The following TRPC4 variants were observed in gnomAD, a reference collection of about 807,000 sequenced individuals.
TRPC4 encodes the protein transient receptor potential cation channel subfamily C member 4.
In TRPC4, 49 loss-of-function variants were observed where a neutral mutation model predicts 99.4. The ratio of observed to expected loss-of-function variants is 0.49; its 90% CI spans 0.39 to 0.63. The LOEUF (loss-of-function observed/expected upper bound fraction) is 0.63. TRPC4 is among the 20% of genes least tolerant of loss of function. TRPC4 has a pLI of 0.00. For synonymous variants in TRPC4, 454 were observed against 425.9 expected (o/e 1.07, Z -0.81); for missense variants, 898 against 1,152.9 (o/e 0.78, Z 3.20).
chr13:37,754,356 A>T, intron 2 of TRPC4, among the ~76,000 whole-genome samples: 1 of 152,140 alleles, frequency 6.6e-6, no homozygotes, highest in East Asian at 1.9e-4. Flanking sequence ...CTACTTTTCC[A>T]TTAACTTTTC....
chr13:37,650,256 CT>C (rs1453392801), intron 8 of TRPC4, among the ~76,000 whole-genome samples: 1 of 152,130 alleles, frequency 6.6e-6, no homozygotes, highest in Non-Finnish European at 1.5e-5. Flanking sequence ...ATATTACTTG[CT>C]AATCCTAATA....
chr13:37,767,619 G>C (rs1956414687), intron 2 of TRPC4, among the ~76,000 whole-genome samples: 1 of 151,238 alleles, frequency 6.6e-6, no homozygotes, highest in Non-Finnish European at 1.5e-5. Context: ...CTTAACAAAG[G>C]TGTTAATAAT....
rs1200384928 is a variant in TRPC4, at chr13:37,660,863, G to A, written c.1688+2553C>T. ...AGCACAGAAGTAAGATGTAGAGCAG[G>A]GGCCCCAAGGGTATCACTATATACC... is the stretch of plus-strand genomic sequence containing the variant. On this transcript the variant is annotated intron_variant, in intron 6 of 10. Transcript: ENST00000379705. Among the ~76,000 whole-genome samples the A allele has an allele frequency of 3.3e-5, 5 of 152,196 alleles. No homozygotes were observed. The East Asian group carries it at 9.6e-4, about 29-fold the overall frequency.
intron 3 of TRPC4, among the ~76,000 whole-genome samples, chr13:37,693,790 T>C (rs971805160): frequency 6.6e-6 from 1 of 152,156 alleles, no homozygotes; most frequent in South Asian, 2.1e-4. Flanking sequence ...TCAATATATA[T>C]AGTGGGCAAA....
chr13:37,859,528 A>C (rs551832191), intron 1 of TRPC4, among the ~76,000 whole-genome samples: 1 of 151,660 alleles, frequency 6.6e-6, no homozygotes, highest in South Asian at 2.1e-4. Flanking sequence ...GAGCATCATC[A>C]GACTCACAGC....
At chr13:37,696,237 T>C (rs890856693) in intron 3 of TRPC4, among the ~76,000 whole-genome samples, 1 of 152,116 alleles carries the variant, frequency 6.6e-6, no homozygotes, top group African/African-American at 2.4e-5. Context: ...GCCCCCATGA[T>C]TCAATTATCT....
At chr13:37,700,025 G>A (rs1430768137) in intron 3 of TRPC4, among the ~76,000 whole-genome samples, 2 of 152,172 alleles carry the variant, frequency 1.3e-5, no homozygotes, top group Admixed American at 6.5e-5. Context: ...AATTTAGGTG[G>A]TAGGAAGGTC....
intron 3 of TRPC4, among the ~76,000 whole-genome samples, chr13:37,725,177 G>C (rs1236307360): frequency 2.0e-5 from 3 of 152,064 alleles, no homozygotes; most frequent in African/African-American, 7.2e-5. Flanking sequence ...TAAGACAATT[G>C]AAATTGTCTA....
At chr13:37,845,898 AC>A (rs1273800175) in intron 1 of TRPC4, among the ~76,000 whole-genome samples, 1 of 152,194 alleles carries the variant, frequency 6.6e-6, no homozygotes, top group Admixed American at 6.5e-5. Flanking sequence ...AAAATCAAAT[AC>A]AAAGAAATAA....
intron 1 of TRPC4, among the ~76,000 whole-genome samples, chr13:37,824,032 C>G (rs1383385941): frequency 6.4e-5 from 9 of 140,076 alleles, no homozygotes; most frequent in Non-Finnish European, 1.2e-4. Flanking sequence ...CTCTTTGAAG[C>G]AATTGTGAAT....
chr13:37,711,259 T>C (rs1474791165), intron 3 of TRPC4, among the ~76,000 whole-genome samples: 1 of 152,020 alleles, frequency 6.6e-6, no homozygotes, highest in African/African-American at 2.4e-5. Context: ...CCATGAATTA[T>C]TTTAACATCA....
At chr13:37,851,954 C>T (rs1959069856) in intron 1 of TRPC4, among the ~76,000 whole-genome samples, 1 of 152,186 alleles carries the variant, frequency 6.6e-6, no homozygotes, top group African/African-American at 2.4e-5. Context: ...TAGACCTAGC[C>T]AGGTGGGAAT....
At position 37,636,777 on chromosome 13, in the gene TRPC4, A is replaced by ACCTGTT. The variant is rs142677581; in HGVS notation, c.*125_*126insAACAGG. The ACCTGTT allele has an allele frequency of 0.11, 151,929 of 1,324,372 alleles. 9,829 individuals carry two copies. Among genetic ancestry groups the ACCTGTT allele is most frequent in the Middle Eastern group, 0.17 (609 of 3,598 alleles). 82.0% of individuals were successfully genotyped at this position (1,324,372 alleles called of 1,614,324 possible). Reference sequence around the variant, plus strand: ...CTTATTTAAACATGTTACAGGTAATATGCCACAGCTGATAAACGCTATAAA... The same window carrying ACCTGTT: ...CTTATTTAAACATGTTACAGGTAATACCTGTTTGCCACAGCTGATAAACGCTATAAA... On this transcript the variant is annotated 3_prime_UTR_variant, in exon 11 of 11. Coordinates refer to ENST00000379705, the MANE Select transcript of TRPC4 (RefSeq NM_016179.4).
At chr13:37,831,973 T>C (rs1246149587) in intron 1 of TRPC4, among the ~76,000 whole-genome samples, 2 of 152,132 alleles carry the variant, frequency 1.3e-5, no homozygotes, top group Non-Finnish European at 2.9e-5. Flanking sequence ...ATCTATTGCA[T>C]AACATGTTGA....
At chr13:37,801,107 C>G (rs1253169111) in intron 1 of TRPC4, among the ~76,000 whole-genome samples, 2 of 152,006 alleles carry the variant, frequency 1.3e-5, no homozygotes, top group Non-Finnish European at 2.9e-5. Context: ...CAGTCTACAT[C>G]TTATTTTTGC....
rs1432771838 is a variant in TRPC4 at position 37,633,322 on chromosome 13, AC to A, written c.*3580del. Among the ~76,000 whole-genome samples the A allele has an allele frequency of 6.6e-6, 1 of 152,118 alleles. No homozygotes were observed. Among genetic ancestry groups the A allele is most frequent in the African/African-American group, 2.4e-5 (1 of 41,440 alleles). On this transcript the variant is annotated 3_prime_UTR_variant, in exon 11 of 11. Transcript: ENST00000379705. Reference sequence around the variant, plus strand: ...TACAGGGCCACAATGGATGGTTCTTACTAGGTTGAGTTTTAAGGACACTGAG... The same window carrying A: ...TACAGGGCCACAATGGATGGTTCTTATAGGTTGAGTTTTAAGGACACTGAG...
chr13:37,655,010 T>G, intron 7 of TRPC4, 78 bp downstream of exon 7: 1 of 1,113,032 alleles, frequency 9.0e-7, no homozygotes, highest in Non-Finnish European at 1.2e-6. Context: ...TTATTTACGA[T>G]GATAAGAAGA....
chr13:37,637,013 G>A lies in TRPC4; in HGVS notation c.2824C>T (p.Pro942Ser). 1 of 1,613,598 alleles carries A rather than the reference G, an allele frequency of 6.2e-7. No homozygotes were observed. The highest frequency in any genetic ancestry group is 8.5e-7 in the Non-Finnish European group (1 of 1,179,746). Residue 942 changes from proline (P) to serine (S), a missense_variant, in exon 11 of 11, where the codon CCT (proline) becomes TCT (serine). Pro to Ser is a moderately conservative substitution (Grantham distance 74). Around this residue, in one of 3 missense-constraint regions of TRPC4, gnomAD observed 346 missense variants for 351.4 expected, o/e 0.98. Transcript: ENST00000379705. The part of the protein sequence containing the change: ...SEKVVVEDTV[P>S]IIPKEKHAKE... ...GCATGTTTCTCCTTTGGTATTATAG[G>A]AACCGTGTCCTCCACCACCACCTTC...
intron 1 of TRPC4, among the ~76,000 whole-genome samples, chr13:37,814,598 G>A (rs928162761): frequency 7.9e-5 from 12 of 151,782 alleles, no homozygotes; most frequent in Non-Finnish European, 1.0e-4. Flanking sequence ...ATATGTTTAA[G>A]TGAAAGACTT....
Sources: allele counts gnomAD v4.1 joint callset (sites outside exome capture counted in the v4.1 genomes callset), GRCh38; gene constraint gnomAD v4.1.1; regional missense constraint gnomAD v4.1.1; transcripts MANE v1.5; gene names NCBI Gene and HGNC (gene_info 2026-07-23, HGNC 2026-07-21).